The following HIPK2 variants were observed in gnomAD, a reference collection of about 807,000 sequenced individuals.
HIPK2 encodes the protein homeodomain-interacting protein kinase 2.
A neutral mutation model predicts 113.7 loss-of-function variants in HIPK2; 27 were observed. The observed-to-expected ratio is 0.24, with a 90% CI of 0.17 to 0.33. The LOEUF is 0.33. Ranked by LOEUF, HIPK2 falls within the 10% of genes least tolerant of loss-of-function variation. The pLI, the probability that HIPK2 is intolerant of heterozygous loss-of-function variation, is 1.00. For synonymous variants in HIPK2, 631 were observed against 642.2 expected (o/e 0.98, Z 0.26); for missense variants, 1,257 against 1,588.0 (o/e 0.79, Z 3.54).
intron 9 of HIPK2, among the ~76,000 whole-genome samples, chr7:139,610,364 AT>A (rs1392749054): frequency 2.6e-5 from 4 of 152,164 alleles, no homozygotes; most frequent in Non-Finnish European, 4.4e-5. Flanking sequence ...ACTGGTGTGG[AT>A]TTTTGCCACT....
In HIPK2 at chr7:139,716,131, G is replaced by A. The variant is rs745467395; in HGVS notation, c.904C>T (p.Arg302Cys). The change falls in exon 2 of 15, where the codon CGC becomes TGC. Residue 302 changes from arginine to cysteine, a missense_variant. Arg to Cys is a radical substitution (Grantham distance 180). Around this residue, in one of 5 missense-constraint regions of HIPK2, gnomAD observed 24 missense variants for 18.1 expected, o/e 1.33. Transcript: ENST00000406875. This position sits in a 1 kb window ranked among gnomAD's most constrained non-coding sequence, Gnocchi z 9.3. ...KFSPLPLKYI[R>C]PVLQQVATAL... ...GTGGCTACCTGCTGGAGAACTGGGC[G>A]AATGTATTTGAGGGGCAAGGGGCTA... The A allele has an allele frequency of 5.0e-6, 8 of 1,614,046 alleles. No homozygotes were observed. In the Admixed American group the frequency reaches 8.3e-5, roughly 17 times the overall value.
At chr7:139,593,881 C>T (rs1199781721) in intron 12 of HIPK2, among the ~76,000 whole-genome samples, 1 of 152,192 alleles carries the variant, frequency 6.6e-6, no homozygotes, top group Admixed American at 6.5e-5. Flanking sequence ...GGAGAGGGAC[C>T]AGGTGACCCC....
intron 6 of HIPK2, 29 bp from the exon 7 acceptor site, chr7:139,620,592 GA>G (rs778836583): frequency 6.2e-7 from 1 of 1,611,380 alleles, no homozygotes; most frequent in Non-Finnish European, 8.5e-7. Flanking sequence ...GAGGCATATT[GA>G]GACATAAGGG....
intron 2 of HIPK2, among the ~76,000 whole-genome samples, chr7:139,679,494 T>C (rs1802621568): frequency 6.6e-6 from 1 of 152,230 alleles, no homozygotes; most frequent in African/African-American, 2.4e-5. Flanking sequence ...AGGAACACTA[T>C]ATGCTCAGAA....
chr7:139,741,674 A>G (rs1419819183), intron 1 of HIPK2, among the ~76,000 whole-genome samples: 1 of 152,116 alleles, frequency 6.6e-6, no homozygotes, highest in Non-Finnish European at 1.5e-5. Context: ...AATTCCGTGA[A>G]CGTTGATCAG....
At chr7:139,731,037 T>C (rs1339680960) in intron 1 of HIPK2, among the ~76,000 whole-genome samples, 1 of 152,212 alleles carries the variant, frequency 6.6e-6, no homozygotes. Context: ...TCCAAAACTG[T>C]GAGAGAAGAC....
At chr7:139,664,487 A>C (rs1801976928) in intron 2 of HIPK2, among the ~76,000 whole-genome samples, 1 of 152,152 alleles carries the variant, frequency 6.6e-6, no homozygotes, top group East Asian at 1.9e-4. Context: ...CAGTGAGCCG[A>C]GATCAAGCCA....
intron 2 of HIPK2, among the ~76,000 whole-genome samples, chr7:139,650,420 G>A (rs1446897734): frequency 1.3e-5 from 2 of 149,448 alleles, no homozygotes; most frequent in Non-Finnish European, 3.0e-5. Context: ...TAAGTGGGCT[G>A]AATATTAGGT....
At chr7:139,691,243 G>T (rs903321028) in intron 2 of HIPK2, among the ~76,000 whole-genome samples, 1 of 152,180 alleles carries the variant, frequency 6.6e-6, no homozygotes, top group Non-Finnish European at 1.5e-5. Context: ...TAGTTCCATA[G>T]TTTCGATTGT....
In HIPK2 at chr7:139,720,796, CAG is replaced by C. The variant is rs1266752036; in HGVS notation, c.20-3783_20-3782del. ...CTTTAAGTACCCGGAAGGGGGCGGT[CAG>C]AGAGAGCGACAGCAGAAATACGCTG... On this transcript the variant is annotated intron_variant, in intron 1 of 14. Transcript: ENST00000406875. 2.0e-5 allele frequency among the ~76,000 whole-genome samples: 3 copies of C among 152,138 alleles called. No individual in the cohort carries two copies. The East Asian group carries it at 5.8e-4, about 29-fold the overall frequency.
At chr7:139,638,341 G>A (rs999423598) in intron 2 of HIPK2, among the ~76,000 whole-genome samples, 2 of 151,882 alleles carry the variant, frequency 1.3e-5, no homozygotes, top group African/African-American at 4.8e-5. Flanking sequence ...CTCCCTGCCC[G>A]CTTCCATTCT....
chr7:139,738,451 A>C (rs1170893098), intron 1 of HIPK2, among the ~76,000 whole-genome samples: 3 of 152,228 alleles, frequency 2.0e-5, no homozygotes, highest in Admixed American at 2.0e-4. Flanking sequence ...ACTGAATGTA[A>C]AGTTTTGTTT....
At chr7:139,591,524 G>A (rs1201201741) in intron 12 of HIPK2, among the ~76,000 whole-genome samples, 1 of 152,176 alleles carries the variant, frequency 6.6e-6, no homozygotes, top group African/African-American at 2.4e-5. Flanking sequence ...GAGCAAACCA[G>A]GAAGCTGTGG....
Position 139,673,885 on chromosome 7 carries a change from T to TA in HIPK2, c.1103+42046dup, listed in dbSNP as rs60905469. Reference sequence around the variant, plus strand: ...CACCATGGTGAAACCCTATCTGTACTAAAAAAAAAAAAAAAAAAAAAAAAA... The same window carrying TA: ...CACCATGGTGAAACCCTATCTGTACTAAAAAAAAAAAAAAAAAAAAAAAAAA... On this transcript the variant is annotated intron_variant, in intron 2 of 14. Coordinates refer to ENST00000406875, the MANE Select transcript of HIPK2 (RefSeq NM_022740.5). Among the ~76,000 whole-genome samples, 422 of 73,416 alleles carry TA rather than the reference T, an allele frequency of 5.7e-3. 8 individuals are homozygous for TA. The highest frequency in any genetic ancestry group is 0.011 in the South Asian group (14 of 1,294). The allele number at this position is 73,416 out of a possible 152,430, so 48.2% of individuals were successfully genotyped here.
chr7:139,695,522 T>C (rs1348803051), intron 2 of HIPK2, among the ~76,000 whole-genome samples: 1 of 152,178 alleles, frequency 6.6e-6, no homozygotes, highest in African/African-American at 2.4e-5. Flanking sequence ...TAGAAGTAGA[T>C]ATATTTAAGC....
intron 1 of HIPK2, among the ~76,000 whole-genome samples, chr7:139,724,087 G>C (rs1264381108): frequency 4.0e-5 from 6 of 149,172 alleles, no homozygotes; most frequent in Admixed American, 2.0e-4. Flanking sequence ...GTCTAATATA[G>C]ATTATGCACA....
At chr7:139,658,615 G>A (rs941901077) in intron 2 of HIPK2, among the ~76,000 whole-genome samples, 5 of 152,210 alleles carry the variant, frequency 3.3e-5, no homozygotes, top group Admixed American at 1.3e-4. Flanking sequence ...ACAGAGAAGA[G>A]TCTTTGACAA....
intron 1 of HIPK2, among the ~76,000 whole-genome samples, chr7:139,760,782 T>C (rs1796449121): frequency 6.6e-6 from 1 of 152,228 alleles, no homozygotes; most frequent in Admixed American, 6.5e-5. Context: ...TGAAGTTCTC[T>C]AGAAACAAGT....
intron 1 of HIPK2, among the ~76,000 whole-genome samples, chr7:139,725,003 G>A (rs59843351): frequency 0.039 from 5,978 of 151,804 alleles, 391 homozygotes; most frequent in African/African-American, 0.14. Context: ...GCAGCACTGG[G>A]CATTTGAAAA....
Sources: allele counts gnomAD v4.1 joint callset (sites outside exome capture counted in the v4.1 genomes callset), GRCh38; gene constraint gnomAD v4.1.1; regional missense constraint gnomAD v4.1.1; non-coding constraint Gnocchi (gnomAD v3.1); transcripts MANE v1.5; gene names NCBI Gene and HGNC (gene_info 2026-07-23, HGNC 2026-07-21).